Variants in ACSL1 observed in about 807,000 individuals in gnomAD.
ACSL1 encodes the protein acyl-CoA synthetase long chain family member 1, also known as long-chain-fatty-acid--CoA ligase 1.
ACSL1 carries 41 observed loss-of-function variants against 98.4 expected under a neutral mutation model. The observed-to-expected ratio is 0.42, with a 90% confidence interval of 0.32 to 0.54. ACSL1 has a LOEUF of 0.54. Ranked by LOEUF, ACSL1 falls within the 20% of genes least tolerant of loss-of-function variation. The pLI is 0.13. For missense variants in ACSL1, 734 were observed against 883.1 expected, an observed-to-expected ratio of 0.83 and a Z score of 2.14; for synonymous variants, 316 against 322.7, an observed-to-expected ratio of 0.98 and a Z score of 0.22.
intron 1 of ACSL1, among the ~76,000 whole-genome samples, chr4:184,815,318 TCGCAGC>T (rs1168904803): frequency 6.6e-6 from 1 of 152,156 alleles, no homozygotes; most frequent in African/African-American, 2.4e-5. Context: ...GGCTGGGGAC[TCGCAGC>T]CGCATTGTAA....
chr4:184,767,471 C>T (rs1763788571), intron 12 of ACSL1, among the ~76,000 whole-genome samples: 1 of 152,010 alleles, frequency 6.6e-6, no homozygotes, highest in South Asian at 2.1e-4. Context: ...GAGAAATACA[C>T]AGATGAGCGG....
intron 2 of ACSL1, 44 bp from the exon 3 acceptor site, chr4:184,788,775 T>A: frequency 6.8e-7 from 1 of 1,475,052 alleles, no homozygotes; most frequent in South Asian, 1.1e-5. Context: ...CAGTGAAACA[T>A]CTATGCACTG....
In ACSL1 at chr4:184,760,372, G is replaced by A. The variant is rs150462080; in HGVS notation, c.1767C>T (p.His589=). 79 of 1,613,962 alleles carry A rather than the reference G, an allele frequency of 4.9e-5. No homozygotes were observed. In the Admixed American group the frequency reaches 8.5e-4, roughly 17 times the overall value. Residue 589 remains histidine (H), a synonymous_variant, in exon 18 of 21, where the codon CAC becomes CAT. Transcript: ENST00000281455. ...AAGCACATACCTGCAGGCTTTCTCC[G>A]TGGACAAACACCTGAGCAACAGGCT... ...RSEPVAQVFV[H]GESLQAFLIA...
At position 184,804,674 on chromosome 4, in the gene ACSL1, C is replaced by A. The variant is rs192183641; in HGVS notation, c.-32-1128G>T. On this transcript the variant is annotated intron_variant, in intron 1 of 20. Coordinates refer to ENST00000281455, the MANE Select transcript of ACSL1 (RefSeq NM_001995.5). ...GTATGATTTGGGACATATGACCTCC[C>A]TTCCCTGTGCCTCAGTTTCCTCATC... 2.6e-5 allele frequency among the ~76,000 whole-genome samples: 4 copies of A among 152,238 alleles called. No homozygotes were observed. In the East Asian group the frequency reaches 7.7e-4, roughly 29 times the overall value.
In ACSL1 at chr4:184,768,386, T is replaced by C. The variant is rs762923105; in HGVS notation, c.1058A>G (p.Asp353Gly). ...AGTGGGTTGAAGCACCTTGAGGTCA[T>C]CCATGAGCAGCCTGATATCTCCTTG... ...FFQGDIRLLM[D>G]DLKVLQPTVF... The change falls in exon 12 of 21, where the codon GAT (aspartate) becomes GGT (glycine). Residue 353 changes from aspartate (D) to glycine (G), a missense_variant. By Grantham distance (94) the Asp-to-Gly change is moderately conservative (BLOSUM62 -1). Coordinates refer to ENST00000281455, the MANE Select transcript of ACSL1 (RefSeq NM_001995.5). 1 of 1,613,926 alleles carries C rather than the reference T, an allele frequency of 6.2e-7. No homozygotes were observed. The highest frequency in any genetic ancestry group is 1.3e-5 in the African/African-American group (1 of 75,012).
intron 1 of ACSL1, among the ~76,000 whole-genome samples, chr4:184,811,883 T>A (rs1319274950): frequency 6.6e-6 from 1 of 152,146 alleles, no homozygotes; most frequent in East Asian, 1.9e-4. Flanking sequence ...TGGATACAAA[T>A]GGACAAAAGA....
intron 1 of ACSL1, among the ~76,000 whole-genome samples, chr4:184,807,905 A>G (rs1227324733): frequency 6.6e-6 from 1 of 152,108 alleles, no homozygotes; most frequent in East Asian, 1.9e-4. Flanking sequence ...TAAGCCACTG[A>G]CCCTCTCCCC....
chr4:184,758,058 C>CG (rs1762355629), intron 18 of ACSL1, 138 bp from the exon 19 acceptor site: 1 of 775,856 alleles, frequency 1.3e-6, no homozygotes, highest in East Asian at 2.7e-5. Context: ...ATACTACCCC[C>CG]CTCCCCCAGG....
At chr4:184,824,266 G>A (rs948306226) in intron 1 of ACSL1, among the ~76,000 whole-genome samples, 2 of 151,830 alleles carry the variant, frequency 1.3e-5, no homozygotes, top group African/African-American at 4.8e-5. Context: ...GCTGGGACTA[G>A]AGATGCATGC....
intron 2 of ACSL1, among the ~76,000 whole-genome samples, chr4:184,801,454 C>G (rs918650902): frequency 6.6e-6 from 1 of 152,166 alleles, no homozygotes; most frequent in Non-Finnish European, 1.5e-5. Flanking sequence ...CGGCCACCAG[C>G]CCCCCGCAGC....
At chr4:184,812,433 C>G (rs781733031) in intron 1 of ACSL1, among the ~76,000 whole-genome samples, 23 of 152,128 alleles carry the variant, frequency 1.5e-4, no homozygotes, top group Non-Finnish European at 2.5e-4. Flanking sequence ...CATTTTCCAA[C>G]TTCAGTAGTC....
intron 1 of ACSL1, chr4:184,815,101 A>G (rs1257352264): frequency 2.2e-6 from 1 of 456,242 alleles, no homozygotes; most frequent in South Asian, 1.5e-5. Flanking sequence ...CACGGCAGGT[A>G]GGGCCCTGGT....
In ACSL1 at chr4:184,766,680, C is replaced by T. The variant is rs1329587620; in HGVS notation, c.1205G>A (p.Arg402His). 3.1e-6 allele frequency: 5 copies of T among 1,614,052 alleles called. No homozygotes were observed. Among genetic ancestry groups the T allele is most frequent in the East Asian group, 2.2e-5 (1 of 44,890 alleles). ...GCTGTTGTTTCTGATGATGCCGCTG[C>T]GAAGCTCTGCTTCTTTCCTCTTGGA... ...FASKRKEAEL[R>H]SGIIRNNSLW... The change falls in exon 13 of 21, where the codon CGC becomes CAC. Residue 402 changes from arginine (R) to histidine (H), a missense_variant. Transcript: ENST00000281455. The surrounding 1 kb of genome is among the most constrained non-coding windows in gnomAD (Gnocchi z 4.8).
rs578163031 is a variant in ACSL1, at chr4:184,822,412, A to G, written c.-33+3504T>C. On this transcript the variant is annotated intron_variant, in intron 1 of 20. Coordinates refer to ENST00000281455, the MANE Select transcript of ACSL1 (RefSeq NM_001995.5). ...TTGATTCCTCAAAGGTCATAAGTGA[A>G]TCAATACTGTGTTGTTTCTAACACA... Among the ~76,000 whole-genome samples, 4 of 152,318 alleles carry G rather than the reference A, an allele frequency of 2.6e-5. No homozygotes were observed. In the East Asian group the frequency reaches 7.7e-4, roughly 29 times the overall value.
chr4:184,822,563 C>T (rs541500418), intron 1 of ACSL1, among the ~76,000 whole-genome samples: 2 of 151,942 alleles, frequency 1.3e-5, no homozygotes, highest in African/African-American at 2.4e-5. Context: ...ATGGCAAAAC[C>T]GCTTCACTAC....
chr4:184,783,235 G>A (rs543007382), intron 4 of ACSL1, among the ~76,000 whole-genome samples: 6 of 152,268 alleles, frequency 3.9e-5, no homozygotes, highest in African/African-American at 4.8e-5. Flanking sequence ...CTCATGAGCC[G>A]CTGTTTCAAC....
intron 14 of ACSL1, among the ~76,000 whole-genome samples, chr4:184,765,615 T>A (rs1561178860): frequency 6.6e-6 from 1 of 152,196 alleles, no homozygotes; most frequent in South Asian, 2.1e-4. Context: ...TATCATATAC[T>A]TGAAAACTGC....
intron 10 of ACSL1, among the ~76,000 whole-genome samples, chr4:184,772,464 C>T (rs1764650521): frequency 6.6e-6 from 1 of 152,194 alleles, no homozygotes; most frequent in Non-Finnish European, 1.5e-5. Flanking sequence ...TTTTAAAAGG[C>T]AAGTTTGGAA....
chr4:184,780,587 T>C (rs1253642834), intron 4 of ACSL1, among the ~76,000 whole-genome samples, 154 bp from the exon 5 acceptor site: 1 of 152,224 alleles, frequency 6.6e-6, no homozygotes, highest in African/African-American at 2.4e-5. Context: ...ATAGATTTTT[T>C]GGTAAAACAC....
Sources: gnomAD v4.1 joint callset for allele counts (sites outside exome capture counted in the v4.1 genomes callset) on GRCh38, gnomAD v4.1.1 for gene constraint, Gnocchi (gnomAD v3.1) non-coding constraint, MANE v1.5 for transcripts, NCBI Gene and HGNC (gene_info 2026-07-23, HGNC 2026-07-21) for gene names.